Variants in ADAMTS6 observed in about 807,000 individuals in gnomAD.
The protein encoded by ADAMTS6 is A disintegrin and metalloproteinase with thrombospondin motifs 6.
Under a neutral mutation model 144.3 loss-of-function variants are expected in ADAMTS6, and 23 were observed. The observed-to-expected ratio is 0.16, with a 90% CI of 0.11 to 0.23. The LOEUF (loss-of-function observed/expected upper bound fraction) is 0.23. Ranked by LOEUF, ADAMTS6 falls within the 10% of genes least tolerant of loss-of-function variation. The pLI, the probability that ADAMTS6 is intolerant of heterozygous loss-of-function variation, is 1.00. For missense variants in ADAMTS6, 999 were observed against 1,379.6 expected, an observed-to-expected ratio of 0.72 and a Z score of 4.37; for synonymous variants, 444 against 457.5, an observed-to-expected ratio of 0.97 and a Z score of 0.38.
intron 9 of ADAMTS6, among the ~76,000 whole-genome samples, chr5:65,316,866 A>G (rs1745058570): frequency 6.6e-6 from 1 of 152,028 alleles, no homozygotes; most frequent in Admixed American, 6.6e-5. Flanking sequence ...CAATATCGCA[A>G]TCTTGGCTCA....
At position 65,215,383 on chromosome 5, in the gene ADAMTS6, T is replaced by C; in HGVS notation, c.2377A>G (p.Thr793Ala). 1 of 1,614,098 alleles carries C rather than the reference T, an allele frequency of 6.2e-7. No individual in the cohort carries two copies. The highest frequency in any genetic ancestry group is 1.1e-5 in the South Asian group (1 of 91,062). Residue 793 changes from threonine (T) to alanine (A), a missense_variant, in exon 19 of 25, where the codon ACT (threonine) becomes GCT (alanine). By Grantham distance (58) the Thr-to-Ala change is moderately conservative. Coordinates refer to ENST00000381055, the MANE Select transcript of ADAMTS6 (RefSeq NM_197941.4). ...AGTAFHYKRPTDEPESLEALG... is the reference protein window; with the variant it reads ...AGTAFHYKRPADEPESLEALG... ...GCTTCCAAGGATTCTGGTTCATCAG[T>C]TGGTCTCTTGTAATGAAAAGCTGTC...
intron 7 of ADAMTS6, among the ~76,000 whole-genome samples, chr5:65,408,179 C>G (rs1754732645): frequency 6.6e-6 from 1 of 152,122 alleles, no homozygotes; most frequent in South Asian, 2.1e-4. Flanking sequence ...GGGCTAAATG[C>G]TCCAATTAAA....
At chr5:65,298,205 G>A (rs745460805) in intron 10 of ADAMTS6, among the ~76,000 whole-genome samples, 1 of 152,124 alleles carries the variant, frequency 6.6e-6, no homozygotes, top group South Asian at 2.1e-4. Flanking sequence ...ACTGGTCCTT[G>A]TATTTAGTAT....
At chr5:65,405,182 G>A (rs1754334516) in intron 7 of ADAMTS6, among the ~76,000 whole-genome samples, 1 of 152,142 alleles carries the variant, frequency 6.6e-6, no homozygotes, top group African/African-American at 2.4e-5. Context: ...GGCTTTTGTT[G>A]CCATTGCTTT....
chr5:65,454,067 T>C (rs977141097), intron 4 of ADAMTS6, among the ~76,000 whole-genome samples: 1 of 152,160 alleles, frequency 6.6e-6, no homozygotes, highest in Non-Finnish European at 1.5e-5. Flanking sequence ...GGGTTGGTTA[T>C]TGTGGGAGTG....
intron 20 of ADAMTS6, among the ~76,000 whole-genome samples, chr5:65,209,375 T>G (rs1251247913): frequency 6.6e-6 from 1 of 152,190 alleles, no homozygotes; most frequent in Non-Finnish European, 1.5e-5. Context: ...GAAATAGCCA[T>G]GTTTTTGGGC....
intron 7 of ADAMTS6, among the ~76,000 whole-genome samples, chr5:65,370,764 G>A (rs1285098897): frequency 6.6e-6 from 1 of 152,196 alleles, no homozygotes; most frequent in Non-Finnish European, 1.5e-5. Flanking sequence ...CAACTGGGTG[G>A]AGCCCACCAC....
chr5:65,406,323 C>G (rs1213556560), intron 7 of ADAMTS6, among the ~76,000 whole-genome samples: 1 of 152,022 alleles, frequency 6.6e-6, no homozygotes, highest in Non-Finnish European at 1.5e-5. Flanking sequence ...TATGTTCCAT[C>G]AATACGTAAT....
At chr5:65,166,024 C>T (rs1381717222) in intron 24 of ADAMTS6, among the ~76,000 whole-genome samples, 4 of 148,758 alleles carry the variant, frequency 2.7e-5, no homozygotes, top group African/African-American at 7.5e-5. Context: ...CAAATTCACA[C>T]ATAACAATAT....
chr5:65,268,244 T>C (rs566532896), intron 12 of ADAMTS6, among the ~76,000 whole-genome samples: 1 of 152,330 alleles, frequency 6.6e-6, no homozygotes, highest in Admixed American at 6.5e-5. Flanking sequence ...TAATTGGGTC[T>C]TGTAGAGTCA....
At chr5:65,325,993 T>C (rs1277536399) in intron 9 of ADAMTS6, among the ~76,000 whole-genome samples, 2 of 152,212 alleles carry the variant, frequency 1.3e-5, no homozygotes, top group African/African-American at 4.8e-5. Context: ...AAATTCAAGA[T>C]GTTGCTATTC....
At chr5:65,272,382 C>G (rs1762122182) in intron 12 of ADAMTS6, among the ~76,000 whole-genome samples, 1 of 151,992 alleles carries the variant, frequency 6.6e-6, no homozygotes, top group Non-Finnish European at 1.5e-5. Context: ...GAGACAGAGT[C>G]TCTCACTTTG....
At chr5:65,203,095 T>A (rs916404749) in intron 20 of ADAMTS6, among the ~76,000 whole-genome samples, 1 of 152,190 alleles carries the variant, frequency 6.6e-6, no homozygotes, top group Non-Finnish European at 1.5e-5. Context: ...GGTTTTGCAG[T>A]CTTGTTTCAA....
chr5:65,418,558 A>G (rs1755743908), intron 7 of ADAMTS6, among the ~76,000 whole-genome samples: 1 of 152,190 alleles, frequency 6.6e-6, no homozygotes, highest in Non-Finnish European at 1.5e-5. Context: ...GAGCTTAATA[A>G]TAATTGTCTG....
intron 14 of ADAMTS6, among the ~76,000 whole-genome samples, chr5:65,259,375 CTCAA>C (rs1361545703): frequency 2.5e-5 from 3 of 121,912 alleles, no homozygotes; most frequent in African/African-American, 6.4e-5. Flanking sequence ...AAGGCTCTGT[CTCAA>C]ACAAACAAAC....
intron 4 of ADAMTS6, among the ~76,000 whole-genome samples, chr5:65,456,135 A>C (rs777350593): frequency 2.0e-5 from 3 of 151,998 alleles, no homozygotes; most frequent in Admixed American, 6.6e-5. Context: ...GCTCATTATA[A>C]AACTATACAT....
intron 9 of ADAMTS6, among the ~76,000 whole-genome samples, chr5:65,304,865 T>G (rs1743776585): frequency 6.6e-6 from 1 of 152,022 alleles, no homozygotes; most frequent in African/African-American, 2.4e-5. Flanking sequence ...TTATTCCAGA[T>G]TAAATACTCA....
At chr5:65,376,861 A>G (rs569863931) in intron 7 of ADAMTS6, among the ~76,000 whole-genome samples, 7 of 152,030 alleles carry the variant, frequency 4.6e-5, no homozygotes, top group Admixed American at 6.6e-5. Flanking sequence ...AAAAAAAAAA[A>G]TTAACAAAAC....
intron 22 of ADAMTS6, among the ~76,000 whole-genome samples, chr5:65,175,078 A>G (rs1753884331): frequency 6.6e-6 from 1 of 152,162 alleles, no homozygotes; most frequent in African/African-American, 2.4e-5. Flanking sequence ...GTTCCCATAC[A>G]TAGACCCTTG....
Sources: allele counts gnomAD v4.1 joint callset (sites outside exome capture counted in the v4.1 genomes callset), GRCh38; gene constraint gnomAD v4.1.1; transcripts MANE v1.5; gene names NCBI Gene and HGNC (gene_info 2026-07-23, HGNC 2026-07-21).